Variants in MAST3 observed in about 807,000 individuals in gnomAD.
MAST3 encodes microtubule associated serine/threonine kinase 3, also known as microtubule-associated serine/threonine-protein kinase 3.
In MAST3, 43 loss-of-function variants were observed where a neutral mutation model predicts 127.0. The observed-to-expected ratio is 0.34, with a 90% CI of 0.27 to 0.44. The LOEUF is 0.44. Ranked by LOEUF, MAST3 falls within the 20% of genes least tolerant of loss-of-function variation. The probability of loss-of-function intolerance (pLI) is 1.00; values close to 1 mark genes in which losing one functional copy is unlikely to be tolerated. For synonymous variants in MAST3, 785 were observed against 809.2 expected (o/e 0.97, Z 0.51); for missense variants, 1,390 against 1,919.1 (o/e 0.72, Z 5.15).
chr19:18,106,633 G>A (rs2038088044), intron 1 of MAST3, among the ~76,000 whole-genome samples: 1 of 150,474 alleles, frequency 6.6e-6, no homozygotes, highest in Non-Finnish European at 1.5e-5. Flanking sequence ...GTGCAATGGT[G>A]TGACCTCGGC....
Position 18,110,672 on chromosome 19 carries a change from G to C in MAST3, c.92G>C (p.Ser31Thr). 1.0e-6 allele frequency: 1 copy of C among 985,924 alleles called. No homozygotes were observed. The highest frequency in any genetic ancestry group is 1.2e-6 in the Non-Finnish European group (1 of 829,978). The allele number at this position is 985,924 out of a possible 1,614,324, so 61.1% of individuals were successfully genotyped here. A position where few individuals can be genotyped will look rare whatever the true frequency, so the allele number is the denominator to read the frequency against. ...TGCAGTCTGTCTCCGAGCAGCCAGAGCCCGTCCCTGCTGGGTCCCAGCAGC... is the reference window on the plus strand; with the variant it reads ...TGCAGTCTGTCTCCGAGCAGCCAGACCCCGTCCCTGCTGGGTCCCAGCAGC... ...RGRGLSPSSQ[S>T]PSLLGPSSPC... is the part of the protein sequence containing the mutation. The change falls in exon 3 of 28, where the codon AGC becomes ACC. Residue 31 changes from serine (S) to threonine (T), a missense_variant. By Grantham distance (58) the Ser-to-Thr change is moderately conservative. Transcript: ENST00000687212. The surrounding 1 kb of genome is among the most constrained non-coding windows in gnomAD (Gnocchi z 4.3).
chr19:18,113,258 C>G (rs2038851850), intron 3 of MAST3, among the ~76,000 whole-genome samples: 1 of 151,984 alleles, frequency 6.6e-6, no homozygotes, highest in African/African-American at 2.4e-5. Context: ...CATAAACGTC[C>G]CAACAGAGTC....
chr19:18,137,274 C>T lies in MAST3; in HGVS notation c.2008C>T (p.Leu670=). ...CGAAGTGAAGCAGCACCCCTTTTTC[C>T]TGGCCCTGGACTGGGCAGGGCTTCT... ...THEVKQHPFF[L]ALDWAGLLRH... is the part of the protein sequence containing the mutation. Residue 670 remains leucine, a synonymous_variant, in exon 19 of 28, where the codon CTG becomes TTG. Coordinates refer to ENST00000687212, the MANE Select transcript of MAST3 (RefSeq NM_001393504.1). 6.2e-7 allele frequency: 1 copy of T among 1,613,754 alleles called. No homozygotes were observed. Among genetic ancestry groups the T allele is most frequent in the Non-Finnish European group, 8.5e-7 (1 of 1,179,756 alleles).
intron 15 of MAST3, among the ~76,000 whole-genome samples, chr19:18,133,742 C>A (rs1370180831): frequency 6.6e-6 from 1 of 151,792 alleles, no homozygotes; most frequent in East Asian, 1.9e-4. Context: ...TTAGTAGAGA[C>A]GGGGTTTCAC....
At chr19:18,119,636 T>C (rs1375644601) in intron 3 of MAST3, among the ~76,000 whole-genome samples, 1 of 152,166 alleles carries the variant, frequency 6.6e-6, no homozygotes, top group Non-Finnish European at 1.5e-5. Flanking sequence ...GAGCATTGTC[T>C]AGGCAAAGAC....
rs776007010 is a variant in MAST3, at chr19:18,142,347, CTT to C, written c.2339+353_2339+354del. Among the ~76,000 whole-genome samples, 550 of 122,140 alleles carry C rather than the reference CTT, an allele frequency of 4.5e-3. 1 individual carries two copies. The highest frequency in any genetic ancestry group is 0.017 in the African/African-American group (513 of 30,302). 80.1% of individuals were successfully genotyped at this position (122,140 alleles called of 152,430 possible). ...TAGAGGATGGGTGTTGGAAGCTGGC[CTT>C]TTTTTTTTTTTTTTTTTTTTGAGAC... is the stretch of plus-strand genomic sequence containing the variant. On this transcript the variant is annotated intron_variant, in intron 21 of 27. Transcript: ENST00000687212.
chr19:18,130,420 G>A (rs1047280431), intron 13 of MAST3, 74 bp from the exon 14 acceptor site: 1 of 1,361,880 alleles, frequency 7.3e-7, no homozygotes, highest in Non-Finnish European at 1.0e-6. Flanking sequence ...GTTGGGATCT[G>A]GGCTCAAGTT....
intron 3 of MAST3, among the ~76,000 whole-genome samples, chr19:18,121,306 A>G (rs1284932744): frequency 6.6e-6 from 1 of 151,980 alleles, no homozygotes; most frequent in Admixed American, 6.6e-5. Context: ...ACAGGCGTGC[A>G]CCACCACACC....
rs1233147926 is a variant in MAST3, at chr19:18,151,216, ATCCCATTGACTGTTTATTAAGCACCTACT to A, written c.*1491_*1519del. On this transcript the variant is annotated 3_prime_UTR_variant, in exon 28 of 28. Coordinates refer to ENST00000687212, the MANE Select transcript of MAST3 (RefSeq NM_001393504.1). ...CAGTTTCCTTGTGTTTACAAGACTA[ATCCCATTGACTGTTTATTAAGCACCTACT>A]GTGTGCCAAGCGCTTTTACGTGGCT... The A allele has an allele frequency of 2.0e-5, 3 of 152,108 alleles. No homozygotes were observed. The highest frequency in any genetic ancestry group is 4.4e-5 in the Non-Finnish European group (3 of 68,008). The allele number at this position is 152,108 out of a possible 1,614,324, so 9.4% of individuals were successfully genotyped here. A position where few individuals can be genotyped will look rare whatever the true frequency, so the allele number is the denominator to read the frequency against.
Position 18,151,211 on chromosome 19 carries a change from G to C in MAST3, c.*1485G>C, listed in dbSNP as rs1468531654. ...TGCCTCAGTTTCCTTGTGTTTACAA[G>C]ACTAATCCCATTGACTGTTTATTAA... On this transcript the variant is annotated 3_prime_UTR_variant, in exon 28 of 28. Coordinates refer to ENST00000687212, the MANE Select transcript of MAST3 (RefSeq NM_001393504.1). 1 of 152,208 alleles carries C rather than the reference G, an allele frequency of 6.6e-6. No homozygotes were observed. Among genetic ancestry groups the C allele is most frequent in the Non-Finnish European group, 1.5e-5 (1 of 68,038 alleles). The allele number at this position is 152,208 out of a possible 1,614,324, so 9.4% of individuals were successfully genotyped here.
intron 19 of MAST3, 33 bp downstream of exon 19, chr19:18,137,394 G>T (rs369531357): frequency 5.0e-6 from 8 of 1,601,938 alleles, no homozygotes; most frequent in Admixed American, 1.7e-5. Context: ...GGGGGGCGGG[G>T]GGTGCTCTGC....
In MAST3 at chr19:18,149,582, C is replaced by T. The variant is rs753250654; in HGVS notation, c.3900C>T (p.Ser1300=). ...TGCACCTGTCCGAGCGCCGAGACTC[C>T]TTCAAGAAGCAGGAGGCCGTGCAGG... ...RRLHLSERRD[S]FKKQEAVQEV... is the part of the protein sequence containing the mutation. Residue 1300 remains serine, a synonymous_variant, in exon 28 of 28, where the codon TCC becomes TCT. Transcript: ENST00000687212. This position sits in a 1 kb window ranked among gnomAD's most constrained non-coding sequence, Gnocchi z 5.9. 1.9e-6 allele frequency: 3 copies of T among 1,608,286 alleles called. No individual in the cohort carries two copies. Among genetic ancestry groups the T allele is most frequent in the Middle Eastern group, 1.7e-4 (1 of 6,048 alleles).
intron 11 of MAST3, among the ~76,000 whole-genome samples, chr19:18,125,557 A>G (rs954526115): frequency 6.6e-6 from 1 of 151,648 alleles, no homozygotes; most frequent in African/African-American, 2.4e-5. Context: ...CCAGGACAAC[A>G]TGGTGAAACC....
At chr19:18,121,058 G>A (rs1173285014) in intron 3 of MAST3, among the ~76,000 whole-genome samples, 2 of 152,044 alleles carry the variant, frequency 1.3e-5, no homozygotes, top group African/African-American at 2.4e-5. Flanking sequence ...GTTTCACCAT[G>A]TTTACCAGGA....
chr19:18,102,379 A>G (rs980741047), intron 1 of MAST3, among the ~76,000 whole-genome samples: 1 of 148,912 alleles, frequency 6.7e-6, no homozygotes, highest in African/African-American at 2.5e-5. Flanking sequence ...GGGTTTCTCC[A>G]TGTTGGTCAG....
At position 18,118,043 on chromosome 19, in the gene MAST3, C is replaced by G. The variant is rs962987970; in HGVS notation, c.162-3642C>G. 4.6e-5 allele frequency: 43 copies of G among 924,794 alleles called. No homozygotes were observed. The South Asian group carries it at 1.3e-3, about 28-fold the overall frequency. 57.3% of individuals were successfully genotyped at this position (924,794 alleles called of 1,614,324 possible). A position where few individuals can be genotyped will look rare whatever the true frequency, so the allele number is the denominator to read the frequency against. ...CGCGCGCTTCCTTCTCGCCGCCCCCCCATCCCCGCAGCCCCGTGCGCCCCC... is the reference window on the plus strand; with the variant it reads ...CGCGCGCTTCCTTCTCGCCGCCCCCGCATCCCCGCAGCCCCGTGCGCCCCC... On this transcript the variant is annotated intron_variant, in intron 3 of 27. Transcript: ENST00000687212.
rs200112682 is a variant in MAST3 at position 18,143,786 on chromosome 19, G to T, written c.2363G>T (p.Gly788Val). 1.2e-6 allele frequency: 2 copies of T among 1,613,682 alleles called. No homozygotes were observed. The highest frequency in any genetic ancestry group is 1.7e-6 in the Non-Finnish European group (2 of 1,179,826). Residue 788 changes from glycine to valine, a missense_variant, in exon 22 of 28, where the codon GGA (glycine) becomes GTA (valine). By Grantham distance (109) the Gly-to-Val change is moderately radical. Transcript: ENST00000687212. ...AGGCTGAGGTCCTGGACATCCTCTGGATCCTCCTGTCAGTCATCTTCGTCC... is the reference window on the plus strand; with the variant it reads ...AGGCTGAGGTCCTGGACATCCTCTGTATCCTCCTGTCAGTCATCTTCGTCC... ...DIRLRSWTSS[G>V]SSCQSSSSQP... is the part of the protein sequence containing the mutation.
At chr19:18,136,518 C>T (rs537036591) in intron 18 of MAST3, among the ~76,000 whole-genome samples, 4 of 152,180 alleles carry the variant, frequency 2.6e-5, no homozygotes, top group Non-Finnish European at 5.9e-5. Context: ...CAGGCTCAAG[C>T]GATCCTCCCA....
chr19:18,149,985 C>CTT lies in MAST3; in HGVS notation c.*277_*278dup, dbSNP rs61501122. The CTT allele has an allele frequency of 2.6e-4, 51 of 195,502 alleles. No individual in the cohort carries two copies. Among genetic ancestry groups the CTT allele is most frequent in the Middle Eastern group, 1.7e-3 (1 of 594 alleles). 12.1% of individuals were successfully genotyped at this position (195,502 alleles called of 1,614,324 possible). A position where few individuals can be genotyped will look rare whatever the true frequency, so the allele number is the denominator to read the frequency against. On this transcript the variant is annotated 3_prime_UTR_variant, in exon 28 of 28. Coordinates refer to ENST00000687212, the MANE Select transcript of MAST3 (RefSeq NM_001393504.1). The surrounding 1 kb of genome is among the most constrained non-coding windows in gnomAD (Gnocchi z 5.9). The stretch of plus-strand genomic sequence containing the variant: ...GCAACTAATTTATTACTTTTTTTTT[C>CTT]TTTTTTTTTTTTTTTTTTTGAGACA...
Sources: gnomAD v4.1 joint callset for allele counts (sites outside exome capture counted in the v4.1 genomes callset) on GRCh38, gnomAD v4.1.1 for gene constraint, Gnocchi (gnomAD v3.1) non-coding constraint, MANE v1.5 for transcripts, NCBI Gene and HGNC (gene_info 2026-07-23, HGNC 2026-07-21) for gene names.